PDK3: variants seen among roughly 807,000 people sequenced by gnomAD.
PDK3 encodes the protein pyruvate dehydrogenase kinase, isozyme 3.
In PDK3, 12 loss-of-function variants were observed where a neutral mutation model predicts 32.0. That is an observed-to-expected ratio of 0.37 (90% CI 0.24 to 0.61). PDK3 has a LOEUF of 0.61. PDK3 is among the 20% of genes least tolerant of loss of function. The pLI, the probability that PDK3 is intolerant of heterozygous loss-of-function variation, is 0.65. For missense variants in PDK3, 188 were observed against 316.9 expected (o/e 0.59, Z 3.09); for synonymous variants, 122 against 116.3 (o/e 1.05, Z -0.31).
intron 5 of PDK3, among the ~76,000 whole-genome samples, chrX:24,508,392 A>G (rs1216362364): frequency 8.9e-6 from 1 of 112,000 alleles, no homozygotes; most frequent in Non-Finnish European, 1.9e-5. Context: ...GCCAAACCGT[A>G]TCAATGAAGT....
intron 3 of PDK3, among the ~76,000 whole-genome samples, chrX:24,501,297 A>G (rs940679355): frequency 1.8e-5 from 2 of 112,777 alleles, no homozygotes; most frequent in Non-Finnish European, 3.7e-5. Flanking sequence ...TAATAGTTTC[A>G]TAATATTCAT....
chrX:24,526,305 G>A (rs773507823), intron 7 of PDK3, 31 bp downstream of exon 7: 1 of 955,902 alleles, frequency 1.0e-6, no homozygotes, highest in Non-Finnish European at 1.5e-6. Context: ...GTGGAAAGAA[G>A]TCTTCATTTT....
intron 1 of PDK3, among the ~76,000 whole-genome samples, chrX:24,487,425 C>A (rs780797554): frequency 8.9e-6 from 1 of 111,791 alleles, no homozygotes; most frequent in African/African-American, 3.3e-5. Context: ...CTATTGGGTA[C>A]TGTGCACACT....
chrX:24,490,487 A>G (rs35610883), intron 1 of PDK3, among the ~76,000 whole-genome samples: 46,019 of 110,286 alleles, frequency 0.42, 7,438 homozygotes, highest in African/African-American at 0.58. Flanking sequence ...CAGGACCATA[A>G]GCTTTTCTCT....
intron 4 of PDK3, 110 bp from the exon 5 acceptor site, chrX:24,505,099 A>G (rs1437232013): frequency 2.1e-6 from 1 of 477,930 alleles, no homozygotes; most frequent in Non-Finnish European, 3.5e-6. Flanking sequence ...TGCTAAAATG[A>G]TTTTTACACA....
chrX:24,498,743 T>C, intron 2 of PDK3, 86 bp from the exon 3 acceptor site: 1 of 512,330 alleles, frequency 2.0e-6, no homozygotes. Context: ...TTTGGAGTGT[T>C]CTTAGGAAGA....
At chrX:24,528,032 G>C (rs898006415) in intron 8 of PDK3, 44 bp from the exon 9 acceptor site, 7 of 769,463 alleles carry the variant, frequency 9.1e-6, no homozygotes, top group Non-Finnish European at 1.4e-5. Context: ...ACTAAGTATA[G>C]ATCAACTTCT....
intron 9 of PDK3, among the ~76,000 whole-genome samples, chrX:24,531,049 TTGTGTGTG>T (rs760426568): frequency 2.0e-5 from 2 of 98,143 alleles, no homozygotes; most frequent in Admixed American, 1.1e-4. Context: ...GAATGTGCTT[TTGTGTGTG>T]TGTGTGTGTG....
In PDK3 at chrX:24,528,164, A is replaced by G; in HGVS notation, c.941A>G (p.Glu314Gly). The G allele has an allele frequency of 8.7e-7, 1 of 1,148,219 alleles. No homozygotes were observed. The highest frequency in any genetic ancestry group is 3.0e-5 in the East Asian group (1 of 33,614). The allele number at this position is 1,148,219 out of a possible 1,213,427, so 94.6% of individuals were successfully genotyped here. Residue 314 changes from glutamate (E) to glycine (G), a missense_variant, in exon 9 of 11, where the codon GAG becomes GGG. Transcript: ENST00000379162. The part of the protein sequence containing the change: ...MYSTAPRPSL[E>G]PTRAAPLAGF... ...TCTACTGCTCCTAGACCCAGCCTGG[A>G]GCCTACCAGAGCTGCCCCTTTGGTA...
intron 1 of PDK3, among the ~76,000 whole-genome samples, chrX:24,471,633 T>C (rs1207021884): frequency 8.9e-6 from 1 of 112,367 alleles, no homozygotes; most frequent in Non-Finnish European, 1.9e-5. Flanking sequence ...ACTTTTTTTA[T>C]CCACCTGATT....
intron 5 of PDK3, among the ~76,000 whole-genome samples, chrX:24,511,289 C>T (rs1382182619): frequency 8.9e-6 from 1 of 112,647 alleles, no homozygotes; most frequent in Non-Finnish European, 1.9e-5. Context: ...GGCTTTGTAC[C>T]TTCTTCCACT....
downstream of PDK3, among the ~76,000 whole-genome samples, chrX:24,537,394 A>G (rs1015541007): frequency 9.4e-6 from 1 of 106,412 alleles, no homozygotes; most frequent in African/African-American, 3.4e-5. Flanking sequence ...TGGCCTCCCA[A>G]AGTGCTGGGA....
chrX:24,505,285 G>A lies in PDK3; in HGVS notation c.582G>A (p.Ala194=), dbSNP rs144345856. Residue 194 remains alanine (A), a synonymous_variant, in exon 5 of 11, where the codon GCG becomes GCA. Coordinates refer to ENST00000379162, the MANE Select transcript of PDK3 (RefSeq NM_005391.5). ...GTATCGATCCCACCTGTAACGTGGCGGATGTGGTGAAAGGTAAGGAGACCG... is the reference window on the plus strand; with the variant it reads ...GTATCGATCCCACCTGTAACGTGGCAGATGTGGTGAAAGGTAAGGAGACCG... ...IGSIDPTCNV[A]DVVKDAYETA... is the part of the protein sequence containing the mutation. 12 of 1,192,362 alleles carry A rather than the reference G, an allele frequency of 1.0e-5. No individual in the cohort carries two copies. Among genetic ancestry groups the A allele is most frequent in the South Asian group, 1.8e-5 (1 of 56,079 alleles).
chrX:24,465,514 C>T lies in PDK3; in HGVS notation c.59C>T (p.Ser20Leu), dbSNP rs1940054639. ...QPVPKQIERYSRFSPSPLSIK... is the reference protein window; with the variant it reads ...QPVPKQIERYLRFSPSPLSIK... Reference sequence around the variant, plus strand: ...GTGCCCAAGCAGATCGAGCGCTACTCGCGCTTTTCGCCGTCGCCGCTCTCC... The same window carrying T: ...GTGCCCAAGCAGATCGAGCGCTACTTGCGCTTTTCGCCGTCGCCGCTCTCC... Residue 20 changes from serine to leucine, a missense_variant, in exon 1 of 11, where the codon TCG (serine) becomes TTG (leucine). By Grantham distance (145) the Ser-to-Leu change is moderately radical. Coordinates refer to ENST00000379162, the MANE Select transcript of PDK3 (RefSeq NM_005391.5). 3.3e-6 allele frequency: 4 copies of T among 1,208,443 alleles called. No individual in the cohort carries two copies. Among genetic ancestry groups the T allele is most frequent in the Non-Finnish European group, 4.5e-6 (4 of 893,115 alleles).
chrX:24,548,593 C>T (rs1046822388), exon 12 of PDK3: 1 of 112,380 alleles, frequency 8.9e-6, no homozygotes, highest in African/African-American at 3.2e-5. Context: ...CTCTGGCACA[C>T]AGCACTGGTT....
chrX:24,534,296 G>A lies in PDK3; in HGVS notation c.*224G>A. ...TTAAAATGATCAATCAAGATAAAAG[G>A]TGATCTATCCATCCAATGGAATATT... On this transcript the variant is annotated 3_prime_UTR_variant, in exon 11 of 11. Transcript: ENST00000379162. 1.2e-6 allele frequency: 1 copy of A among 853,279 alleles called. No homozygotes were observed. The highest frequency in any genetic ancestry group is 1.5e-6 in the Non-Finnish European group (1 of 676,370). 70.3% of individuals were successfully genotyped at this position (853,279 alleles called of 1,213,427 possible). A position where few individuals can be genotyped will look rare whatever the true frequency, so the allele number is the denominator to read the frequency against.
chrX:24,474,473 G>A (rs1353640274), intron 1 of PDK3, among the ~76,000 whole-genome samples: 1 of 108,634 alleles, frequency 9.2e-6, no homozygotes, highest in East Asian at 2.9e-4. Flanking sequence ...GAGTGCAGTG[G>A]CACCATCTCG....
chrX:24,517,218 GTTTGTT>G (rs1180800172), intron 5 of PDK3, among the ~76,000 whole-genome samples: 3 of 111,210 alleles, frequency 2.7e-5, no homozygotes, highest in African/African-American at 9.8e-5. Flanking sequence ...TTTTTTGTTT[GTTTGTT>G]TTTGTTTTTG....
intron 1 of PDK3, among the ~76,000 whole-genome samples, chrX:24,487,422 G>A (rs1326110950): frequency 9.0e-6 from 1 of 111,631 alleles, no homozygotes; most frequent in African/African-American, 3.3e-5. Flanking sequence ...TACCTATTGG[G>A]TACTGTGCAC....
Sources: allele counts gnomAD v4.1 joint callset (sites outside exome capture counted in the v4.1 genomes callset), GRCh38; gene constraint gnomAD v4.1.1; transcripts MANE v1.5; gene names NCBI Gene and HGNC (gene_info 2026-07-23, HGNC 2026-07-21).